The following ZNF521 variants were observed in gnomAD, a reference collection of about 807,000 sequenced individuals.
ZNF521 encodes the protein zinc finger protein 521.
Under a neutral mutation model 105.5 loss-of-function variants are expected in ZNF521, and 14 were observed. That is an observed-to-expected ratio of 0.13 (90% CI 0.09 to 0.21). ZNF521 has a LOEUF of 0.21. ZNF521 is among the 10% of genes least tolerant of loss of function. The pLI, the probability that ZNF521 is intolerant of heterozygous loss-of-function variation, is 1.00. For synonymous variants in ZNF521, 635 were observed against 606.0 expected, an observed-to-expected ratio of 1.05 and a Z score of -0.70; for missense variants, 1,233 against 1,629.7, an observed-to-expected ratio of 0.76 and a Z score of 4.19.
chr18:25,308,886 A>G (rs1568070056), intron 3 of ZNF521, among the ~76,000 whole-genome samples: 1 of 152,024 alleles, frequency 6.6e-6, no homozygotes, highest in Non-Finnish European at 1.5e-5. Flanking sequence ...CTTAAACTTC[A>G]CATTTTATTA....
At chr18:25,143,035 T>C (rs955897147) in intron 5 of ZNF521, among the ~76,000 whole-genome samples, 1 of 152,152 alleles carries the variant, frequency 6.6e-6, no homozygotes, top group Non-Finnish European at 1.5e-5. Flanking sequence ...ATACTTGGCA[T>C]TGACCTTCCC....
intron 7 of ZNF521, among the ~76,000 whole-genome samples, chr18:25,083,031 A>G (rs987525468): frequency 1.3e-5 from 2 of 152,142 alleles, no homozygotes; most frequent in African/African-American, 4.8e-5. Flanking sequence ...AAATATGAAA[A>G]AATAAACTAA....
chr18:25,204,875 C>A (rs191139804), intron 4 of ZNF521, among the ~76,000 whole-genome samples: 1 of 152,114 alleles, frequency 6.6e-6, no homozygotes, highest in East Asian at 1.9e-4. Flanking sequence ...GTTTCAGTTG[C>A]TGTTTATTTC....
chr18:25,346,740 G>A (rs927421447), intron 2 of ZNF521, among the ~76,000 whole-genome samples: 4 of 152,154 alleles, frequency 2.6e-5, no homozygotes, highest in Admixed American at 6.5e-5. Flanking sequence ...CTACTGTGAC[G>A]GCCAAGTTAA....
At chr18:25,066,820 G>C (rs2033074134) in intron 7 of ZNF521, among the ~76,000 whole-genome samples, 1 of 152,156 alleles carries the variant, frequency 6.6e-6, no homozygotes, top group East Asian at 1.9e-4. Flanking sequence ...CTGTGCAAGA[G>C]TTTTCAGCTC....
chr18:25,104,608 T>C (rs1423442919), intron 5 of ZNF521, among the ~76,000 whole-genome samples: 1 of 152,186 alleles, frequency 6.6e-6, no homozygotes, highest in African/African-American at 2.4e-5. Flanking sequence ...CAATGTTTGG[T>C]TCCTTAAAGA....
At chr18:25,205,337 A>G (rs1196861481) in intron 4 of ZNF521, among the ~76,000 whole-genome samples, 1 of 152,098 alleles carries the variant, frequency 6.6e-6, no homozygotes, top group African/African-American at 2.4e-5. Context: ...ATGTCATTCA[A>G]GAAAGGTAAG....
intron 7 of ZNF521, among the ~76,000 whole-genome samples, chr18:25,089,035 G>C (rs574034572): frequency 6.6e-6 from 1 of 152,166 alleles, no homozygotes; most frequent in Non-Finnish European, 1.5e-5. Flanking sequence ...ACAAGAGTAC[G>C]ATTTCTTTCT....
intron 5 of ZNF521, among the ~76,000 whole-genome samples, chr18:25,100,080 T>TTTTC (rs1051425596): frequency 1.3e-5 from 2 of 151,924 alleles, no homozygotes; most frequent in Non-Finnish European, 2.9e-5. Flanking sequence ...CCTTTTCTTT[T>TTTTC]TTTCTTTCTT....
intron 3 of ZNF521, among the ~76,000 whole-genome samples, chr18:25,287,404 G>T (rs1600260100): frequency 6.6e-6 from 1 of 152,248 alleles, no homozygotes; most frequent in East Asian, 1.9e-4. Context: ...AGGAGTTTTT[G>T]TTTCAACAAC....
chr18:25,351,874 G>GGCAGCGGCGGCGGCA (rs1914800384), intron 1 of ZNF521, 131 bp downstream of exon 1: 2 of 271,410 alleles, frequency 7.4e-6, no homozygotes, highest in Non-Finnish European at 1.5e-5. Context: ...CGGCTGCCTC[G>GGCAGCGGCGGCGGCA]GCAGCGGCGG....
chr18:25,228,971 C>CA (rs1392123577), intron 3 of ZNF521, among the ~76,000 whole-genome samples: 5 of 152,068 alleles, frequency 3.3e-5, no homozygotes, highest in Non-Finnish European at 7.3e-5. Context: ...AAGTAAAGAC[C>CA]ATGGAGTGGA....
intron 5 of ZNF521, among the ~76,000 whole-genome samples, chr18:25,116,826 T>C (rs112829082): frequency 2.7e-5 from 4 of 149,952 alleles, no homozygotes; most frequent in African/African-American, 9.8e-5. Flanking sequence ...GGGGCAAGCA[T>C]AGCCACTGGA....
intron 4 of ZNF521, among the ~76,000 whole-genome samples, chr18:25,223,022 G>A (rs186065976): frequency 8.7e-4 from 133 of 152,320 alleles, no homozygotes; most frequent in Middle Eastern, 3.4e-3. Flanking sequence ...ATACGTGTTC[G>A]CTGTGTTGGT....
chr18:25,349,081 C>G (rs1425584147), intron 2 of ZNF521, among the ~76,000 whole-genome samples: 1 of 151,912 alleles, frequency 6.6e-6, no homozygotes, highest in African/African-American at 2.4e-5. Flanking sequence ...AAAGAAAAAT[C>G]CCTCCCAAAT....
intron 5 of ZNF521, among the ~76,000 whole-genome samples, chr18:25,138,424 C>T (rs571805659): frequency 2.4e-4 from 35 of 144,924 alleles, no homozygotes; most frequent in African/African-American, 3.3e-4. Flanking sequence ...AGGTGGCACA[C>T]GAGAAACGGA....
chr18:25,287,012 G>A (rs1206494948), intron 3 of ZNF521, among the ~76,000 whole-genome samples: 1 of 152,146 alleles, frequency 6.6e-6, no homozygotes, highest in Non-Finnish European at 1.5e-5. Flanking sequence ...GACCAGACAT[G>A]GACTTTGGGG....
rs371285960 is a variant in ZNF521 at position 25,224,510 on chromosome 18, C to T, written c.3408G>A (p.Leu1136=). ...CGTTGCAGCTAGAGCAGCGTGTCTTCAGTCCCCCCACCTTGCCTTTCCCCT... is the reference window on the plus strand; with the variant it reads ...CGTTGCAGCTAGAGCAGCGTGTCTTTAGTCCCCCCACCTTGCCTTTCCCCT... The part of the protein sequence containing the change: ...AIEGKGKVGG[L]KTRCSSCNVK... Residue 1136 remains leucine (L), a synonymous_variant, in exon 4 of 8, where the codon CTG becomes CTA. Transcript: ENST00000361524. 13 of 1,614,070 alleles carry T rather than the reference C, an allele frequency of 8.1e-6. No homozygotes were observed. The highest frequency in any genetic ancestry group is 1.1e-5 in the Non-Finnish European group (13 of 1,179,980).
intron 4 of ZNF521, among the ~76,000 whole-genome samples, chr18:25,222,677 G>C (rs755319323): frequency 1.3e-5 from 2 of 152,122 alleles, no homozygotes. Flanking sequence ...AAAAACAAAG[G>C]AGAAGAGTAA....
Sources: gnomAD v4.1 joint callset for allele counts (sites outside exome capture counted in the v4.1 genomes callset) on GRCh38, gnomAD v4.1.1 for gene constraint, MANE v1.5 for transcripts, NCBI Gene and HGNC (gene_info 2026-07-23, HGNC 2026-07-21) for gene names.